Variants in LINGO2 observed in about 807,000 individuals in gnomAD.
The protein encoded by LINGO2 is leucine-rich repeat and immunoglobulin-like domain-containing nogo receptor-interacting protein 2.
LINGO2 carries 14 observed loss-of-function variants against 30.6 expected under a neutral mutation model. That is an observed-to-expected ratio of 0.46 (90% CI 0.30 to 0.72). The LOEUF (loss-of-function observed/expected upper bound fraction) is 0.72, where lower values mean the gene tolerates loss of function less well. LINGO2 is among the 30% of genes least tolerant of loss of function. The probability of loss-of-function intolerance (pLI) is 0.07; values close to 1 mark genes in which losing one functional copy is unlikely to be tolerated. For synonymous variants in LINGO2, 317 were observed against 288.5 expected (o/e 1.10, Z -1.00); for missense variants, 729 against 751.7 (o/e 0.97, Z 0.35).
the LINGO2 span, among the ~76,000 whole-genome samples, chr9:28,712,518 C>A: frequency 2.0e-5 from 3 of 150,772 alleles, no homozygotes; most frequent in African/African-American, 7.3e-5. Context: ...CTCAGCTCTA[C>A]CATTTTACAG....
chr9:28,607,218 TGAAA>T (rs1423863005), intron 1 of LINGO2, among the ~76,000 whole-genome samples: 1 of 152,016 alleles, frequency 6.6e-6, no homozygotes, highest in African/African-American at 2.4e-5. Context: ...TTAGTAATGT[TGAAA>T]GATTGATTGA....
the LINGO2 span, among the ~76,000 whole-genome samples, chr9:28,823,790 TTTG>T: frequency 6.6e-6 from 1 of 152,200 alleles, no homozygotes; most frequent in African/African-American, 2.4e-5. Context: ...TAGACACTGC[TTTG>T]TTGTTATTTT....
chr9:28,657,470 ACTTATT>A (rs1438363482), intron 1 of LINGO2, among the ~76,000 whole-genome samples: 4 of 151,776 alleles, frequency 2.6e-5, no homozygotes, highest in African/African-American at 7.3e-5. Context: ...TTTCTTCATG[ACTTATT>A]CTTAGTAGAT....
chr9:28,887,038 A>G, the LINGO2 span, among the ~76,000 whole-genome samples: 2 of 152,170 alleles, frequency 1.3e-5, no homozygotes, highest in Admixed American at 6.6e-5. Context: ...AGAGCAGGGT[A>G]TGAACAAGAA....
the LINGO2 span, among the ~76,000 whole-genome samples, chr9:28,915,461 C>T: frequency 6.6e-6 from 1 of 152,114 alleles, no homozygotes; most frequent in Non-Finnish European, 1.5e-5. Flanking sequence ...AGCTGCTGGA[C>T]CAGTGACCAC....
chr9:28,523,302 A>G (rs1820894710), intron 1 of LINGO2, among the ~76,000 whole-genome samples: 1 of 152,160 alleles, frequency 6.6e-6, no homozygotes, highest in Non-Finnish European at 1.5e-5. Flanking sequence ...AGCTAAGAAC[A>G]GAAGGGAACT....
chr9:28,215,523 A>AT (rs1820735774), intron 4 of LINGO2, among the ~76,000 whole-genome samples: 1 of 151,854 alleles, frequency 6.6e-6, no homozygotes, highest in Non-Finnish European at 1.5e-5. Flanking sequence ...CTTAAATCAC[A>AT]TTTTTTGAGC....
At chr9:28,575,082 A>G (rs1823886753) in intron 1 of LINGO2, among the ~76,000 whole-genome samples, 1 of 152,128 alleles carries the variant, frequency 6.6e-6, no homozygotes, top group African/African-American at 2.4e-5. Context: ...GGAGAACATA[A>G]TCCTTCATGA....
chr9:28,041,841 A>G (rs974168239), intron 4 of LINGO2, among the ~76,000 whole-genome samples: 1 of 152,230 alleles, frequency 6.6e-6, no homozygotes, highest in African/African-American at 2.4e-5. Context: ...CAAAAAGTTT[A>G]TAAACTCCGT....
the LINGO2 span, among the ~76,000 whole-genome samples, chr9:28,688,941 G>GC: frequency 6.6e-6 from 1 of 152,168 alleles, no homozygotes; most frequent in Non-Finnish European, 1.5e-5. Context: ...CTGCATGGCA[G>GC]CCCCCCGATC....
At chr9:28,009,896 A>G (rs1187907320) in intron 5 of LINGO2, among the ~76,000 whole-genome samples, 1 of 152,196 alleles carries the variant, frequency 6.6e-6, no homozygotes, top group Non-Finnish European at 1.5e-5. Context: ...GTAACAATAA[A>G]TATCTATACA....
the LINGO2 span, among the ~76,000 whole-genome samples, chr9:29,134,576 CGAT>C: frequency 6.6e-6 from 1 of 151,922 alleles, no homozygotes; most frequent in Non-Finnish European, 1.5e-5. Flanking sequence ...AAAGACCAAT[CGAT>C]GAACTGACAG....
At chr9:28,210,162 T>A (rs1463447934) in intron 4 of LINGO2, among the ~76,000 whole-genome samples, 3 of 151,632 alleles carry the variant, frequency 2.0e-5, no homozygotes, top group Non-Finnish European at 4.4e-5. Context: ...TTTTCCAATT[T>A]CTAATGGCTT....
At chr9:28,561,250 C>T (rs944061057) in intron 1 of LINGO2, among the ~76,000 whole-genome samples, 6 of 151,778 alleles carry the variant, frequency 4.0e-5, no homozygotes, top group Non-Finnish European at 2.9e-5. Context: ...AAAATGAGTA[C>T]GAACTCTGAA....
At chr9:28,526,055 CAAAAAAA>C (rs58629857) in intron 1 of LINGO2, among the ~76,000 whole-genome samples, 3 of 48,510 alleles carry the variant, frequency 6.2e-5, no homozygotes, top group African/African-American at 8.2e-5. Flanking sequence ...GACTCCGTCT[CAAAAAAA>C]AAAAAAAAAA....
chr9:28,988,194 T>C, the LINGO2 span, among the ~76,000 whole-genome samples: 2 of 152,230 alleles, frequency 1.3e-5, no homozygotes, highest in African/African-American at 4.8e-5. Context: ...ATATTTGTTA[T>C]ATTTATCTAG....
rs149468997 is a variant in LINGO2, at chr9:28,526,895, T to G, written c.-364-50870A>C. 7.6e-4 allele frequency among the ~76,000 whole-genome samples: 115 copies of G among 152,310 alleles called. No individual in the cohort carries two copies. The East Asian group carries it at 0.019, about 26-fold the overall frequency. ...GAGATTATAGCAGCTTCCCTAAAAA[T>G]TATAGGGAATGTTTACCTACTGGGA... is the stretch of plus-strand genomic sequence containing the variant. On this transcript the variant is annotated intron_variant, in intron 1 of 5. Coordinates refer to ENST00000379992, the Ensembl canonical transcript of LINGO2.
At chr9:29,160,225 C>T in the LINGO2 span, among the ~76,000 whole-genome samples, 1 of 152,292 alleles carries the variant, frequency 6.6e-6, no homozygotes, top group East Asian at 1.9e-4. Flanking sequence ...AGAAACCATG[C>T]TTTGAGCACC....
At chr9:29,185,878 AT>A in the LINGO2 span, among the ~76,000 whole-genome samples, 3 of 152,212 alleles carry the variant, frequency 2.0e-5, no homozygotes, top group Non-Finnish European at 4.4e-5. Flanking sequence ...AGTAGCTGAT[AT>A]TGCTGAAAGT....
Sources: allele counts gnomAD v4.1 joint callset (sites outside exome capture counted in the v4.1 genomes callset), GRCh38; gene constraint gnomAD v4.1.1; transcripts MANE v1.5; gene names NCBI Gene and HGNC (gene_info 2026-07-23, HGNC 2026-07-21).